LRP6: variants seen among roughly 807,000 people sequenced by gnomAD.
The protein encoded by LRP6 is low-density lipoprotein receptor-related protein 6.
In LRP6, 43 loss-of-function variants were observed where a neutral mutation model predicts 184.1. That is an observed-to-expected ratio of 0.23 (90% CI 0.18 to 0.30). The LOEUF (loss-of-function observed/expected upper bound fraction) is 0.30, where lower values mean the gene tolerates loss of function less well. Ranked by LOEUF, LRP6 falls within the 10% of genes least tolerant of loss-of-function variation. The probability of loss-of-function intolerance (pLI) is 1.00; values close to 1 mark genes in which losing one functional copy is unlikely to be tolerated. For missense variants in LRP6, 1,571 were observed against 2,005.3 expected, an observed-to-expected ratio of 0.78 and a Z score of 4.14; for synonymous variants, 719 against 684.9, an observed-to-expected ratio of 1.05 and a Z score of -0.78.
At chr12:12,223,050 T>C (rs1864531786) in intron 2 of LRP6, among the ~76,000 whole-genome samples, 1 of 151,862 alleles carries the variant, frequency 6.6e-6, no homozygotes, top group Admixed American at 6.6e-5. Context: ...TTTTAAATCA[T>C]CCTCCCAGAC....
chr12:12,197,595 TC>T (rs1863798265), intron 3 of LRP6, among the ~76,000 whole-genome samples: 1 of 152,244 alleles, frequency 6.6e-6, no homozygotes, highest in African/African-American at 2.4e-5. Context: ...TGACTTAACC[TC>T]TGCAGTATTA....
At chr12:12,179,671 G>A in intron 7 of LRP6, 139 bp downstream of exon 7, 2 of 770,356 alleles carry the variant, frequency 2.6e-6, no homozygotes, top group East Asian at 2.7e-5. Context: ...CATGAAGGTT[G>A]AGTAAAATTT....
chr12:12,138,023 T>C (rs1051050114), intron 16 of LRP6, among the ~76,000 whole-genome samples: 20 of 150,758 alleles, frequency 1.3e-4, no homozygotes, highest in African/African-American at 4.6e-4. Flanking sequence ...AAAAAAAAAT[T>C]AGCGAGGCAT....
chr12:12,180,075 G>A, intron 6 of LRP6, 94 bp from the exon 7 acceptor site: 1 of 972,762 alleles, frequency 1.0e-6, no homozygotes, highest in East Asian at 2.6e-5. Flanking sequence ...TATTACACTG[G>A]TATCATCAGT....
chr12:12,156,958 A>G (rs1035120745), intron 12 of LRP6, among the ~76,000 whole-genome samples: 3 of 152,192 alleles, frequency 2.0e-5, no homozygotes, highest in African/African-American at 7.2e-5. Context: ...GTTTTACTGG[A>G]ATTCAGCCAC....
intron 2 of LRP6, among the ~76,000 whole-genome samples, chr12:12,215,950 T>C (rs191976614): frequency 3.9e-5 from 6 of 152,168 alleles, no homozygotes; most frequent in Non-Finnish European, 8.8e-5. Flanking sequence ...AGGCAGAGGT[T>C]GCAGTGAGCC....
At chr12:12,199,716 A>G (rs1863862402) in intron 3 of LRP6, among the ~76,000 whole-genome samples, 1 of 152,088 alleles carries the variant, frequency 6.6e-6, no homozygotes, top group Admixed American at 6.6e-5. Flanking sequence ...CTGTAATTCC[A>G]GCACTTTGGG....
chr12:12,211,447 A>G (rs1383742838), intron 2 of LRP6, among the ~76,000 whole-genome samples: 7 of 152,326 alleles, frequency 4.6e-5, no homozygotes, highest in South Asian at 2.1e-4. Context: ...GTCTCAAAAA[A>G]AGAGAGTCTG....
At position 12,198,557 on chromosome 12, in the gene LRP6, C is replaced by T. The variant is rs1203534054; in HGVS notation, c.647+4646G>A. Reference sequence around the variant, plus strand: ...TTTTTTTTTTTTTTTTTTTTTGAGACAGAGTTTTGCTCGTCACCCAGGTTG... The same window carrying T: ...TTTTTTTTTTTTTTTTTTTTTGAGATAGAGTTTTGCTCGTCACCCAGGTTG... On this transcript the variant is annotated intron_variant, in intron 3 of 22. Coordinates refer to ENST00000261349, the MANE Select transcript of LRP6 (RefSeq NM_002336.3). Among the ~76,000 whole-genome samples, 32 of 89,650 alleles carry T rather than the reference C, an allele frequency of 3.6e-4. 2 individuals carry two copies. The highest frequency in any genetic ancestry group is 2.1e-5 in the Non-Finnish European group (1 of 48,422). The allele number at this position is 89,650 out of a possible 152,430, so 58.8% of individuals were successfully genotyped here. A position where few individuals can be genotyped will look rare whatever the true frequency, so the allele number is the denominator to read the frequency against.
chr12:12,259,874 C>T (rs1865569518), intron 1 of LRP6, among the ~76,000 whole-genome samples: 1 of 152,122 alleles, frequency 6.6e-6, no homozygotes, highest in Admixed American at 6.5e-5. Context: ...AATGCAGAAA[C>T]TCAGTATAGC....
intron 2 of LRP6, among the ~76,000 whole-genome samples, chr12:12,208,794 A>T (rs929870436): frequency 2.0e-5 from 3 of 152,256 alleles, no homozygotes; most frequent in Admixed American, 1.3e-4. Flanking sequence ...TAATAACCTA[A>T]GCATAGGGAC....
intron 2 of LRP6, 71 bp downstream of exon 2, chr12:12,244,191 G>A: frequency 6.9e-7 from 1 of 1,453,404 alleles, no homozygotes. Context: ...ATAGGGGTCA[G>A]GGTGGTGTAT....
intron 3 of LRP6, among the ~76,000 whole-genome samples, chr12:12,198,394 T>C (rs781050011): frequency 1.3e-5 from 2 of 152,122 alleles, no homozygotes; most frequent in South Asian, 4.1e-4. Context: ...TTTTGGTCTT[T>C]AAATTTTTCC....
intron 3 of LRP6, among the ~76,000 whole-genome samples, chr12:12,190,394 G>C (rs1863581946): frequency 6.6e-6 from 1 of 152,100 alleles, no homozygotes; most frequent in African/African-American, 2.4e-5. Flanking sequence ...ACCAAACTGG[G>C]GACCACAGAA....
At chr12:12,172,185 T>A (rs963480737) in intron 7 of LRP6, among the ~76,000 whole-genome samples, 6 of 152,196 alleles carry the variant, frequency 3.9e-5, no homozygotes, top group African/African-American at 9.7e-5. Flanking sequence ...TAACTCCAAA[T>A]CTGAACCAGA....
chr12:12,251,927 TGGCACAATCATGGCTCATTGCAAC>T (rs1865334210), intron 1 of LRP6, among the ~76,000 whole-genome samples: 1 of 152,170 alleles, frequency 6.6e-6, no homozygotes, highest in Non-Finnish European at 1.5e-5. Context: ...TGGAGTATAG[TGGCACAATCATGGCTCATTGCAAC>T]GGCACAATCA....
At chr12:12,131,524 G>A (rs932539004) in intron 18 of LRP6, among the ~76,000 whole-genome samples, 3 of 152,150 alleles carry the variant, frequency 2.0e-5, no homozygotes, top group African/African-American at 7.2e-5. Flanking sequence ...ATGTTAGAGC[G>A]TAATTAATAA....
intron 7 of LRP6, among the ~76,000 whole-genome samples, chr12:12,168,150 A>C (rs1421764503): frequency 1.3e-5 from 2 of 152,218 alleles, no homozygotes; most frequent in African/African-American, 2.4e-5. Flanking sequence ...ATTAGTAAAG[A>C]CATCTAGTAA....
intron 10 of LRP6, among the ~76,000 whole-genome samples, chr12:12,160,222 T>C (rs374625939): frequency 6.6e-6 from 1 of 152,170 alleles, no homozygotes; most frequent in African/African-American, 2.4e-5. Context: ...AACCTAGGAA[T>C]TGGAAATAAA....
Sources: allele counts gnomAD v4.1 joint callset (sites outside exome capture counted in the v4.1 genomes callset), GRCh38; gene constraint gnomAD v4.1.1; transcripts MANE v1.5; gene names NCBI Gene and HGNC (gene_info 2026-07-23, HGNC 2026-07-21).